PLPP4: variants seen among roughly 807,000 people sequenced by gnomAD.
PLPP4 encodes diacylglycerol pyrophosphate like 2.
Under a neutral mutation model 32.2 loss-of-function variants are expected in PLPP4, and 20 were observed. The observed-to-expected ratio is 0.62, with a 90% CI of 0.44 to 0.90. The LOEUF is 0.90. Among genes scored for constraint, PLPP4 ranks in the 40% least tolerant of loss-of-function variants. The pLI, the probability that PLPP4 is intolerant of heterozygous loss-of-function variation, is 0.00. For synonymous variants in PLPP4, 127 were observed against 133.0 expected (o/e 0.95, Z 0.31); for missense variants, 257 against 353.1 (o/e 0.73, Z 2.18).
chr10:120,492,263 T>C (rs978269976), intron 1 of PLPP4, among the ~76,000 whole-genome samples: 1 of 152,204 alleles, frequency 6.6e-6, no homozygotes, highest in Non-Finnish European at 1.5e-5. Flanking sequence ...CAGTCTTCTG[T>C]TGTTTACTCC....
In PLPP4 at chr10:120,545,290, A is replaced by C. The variant is rs964195347; in HGVS notation, c.445+24195A>C. ...TCTTTATTTACGAAAGCAATTTAAT[A>C]GGATAAGAATGATTTTTGTTTTTTT... On this transcript the variant is annotated intron_variant, in intron 5 of 6. Coordinates refer to ENST00000398250, the MANE Select transcript of PLPP4 (RefSeq NM_001030059.3). Among the ~76,000 whole-genome samples, 7 of 152,240 alleles carry C rather than the reference A, an allele frequency of 4.6e-5. No individual in the cohort carries two copies. In the South Asian group the frequency reaches 6.2e-4, roughly 13 times the overall value.
intron 5 of PLPP4, among the ~76,000 whole-genome samples, chr10:120,536,206 G>C (rs1477011388): frequency 6.6e-6 from 1 of 151,946 alleles, no homozygotes; most frequent in Non-Finnish European, 1.5e-5. Context: ...CCTAAGTTTT[G>C]CATGAAAAGA....
chr10:120,464,133 G>C (rs1024836773), intron 1 of PLPP4, among the ~76,000 whole-genome samples: 53 of 152,186 alleles, frequency 3.5e-4, no homozygotes, highest in African/African-American at 1.3e-3. Context: ...TACCTGCTGT[G>C]TGAGTTTTGG....
Position 120,591,422 on chromosome 10 carries a change from A to G in PLPP4, c.*1920A>G, listed in dbSNP as rs1258212997. Among the ~76,000 whole-genome samples, 1 of 152,232 alleles carries G rather than the reference A, an allele frequency of 6.6e-6. No homozygotes were observed. Among genetic ancestry groups the G allele is most frequent in the African/African-American group, 2.4e-5 (1 of 41,456 alleles). On this transcript the variant is annotated 3_prime_UTR_variant, in exon 7 of 7. Coordinates refer to ENST00000398250, the MANE Select transcript of PLPP4 (RefSeq NM_001030059.3). ...AAAAATTATAGCAGTTACATTGGCA[A>G]GCAACTTTGAAGATGAATGTGAGAT...
chr10:120,485,119 G>A (rs1169014647), intron 1 of PLPP4, among the ~76,000 whole-genome samples: 1 of 152,234 alleles, frequency 6.6e-6, no homozygotes, highest in Admixed American at 6.5e-5. Context: ...AGCCCAGGGA[G>A]ATCTGCATCA....
intron 5 of PLPP4, among the ~76,000 whole-genome samples, chr10:120,563,806 CAAAAAAAAAAAAAAAA>C (rs139746974): frequency 3.5e-5 from 3 of 86,484 alleles, no homozygotes; most frequent in Non-Finnish European, 6.2e-5. Flanking sequence ...GACTCCGTCT[CAAAAAAAAAAAAAAAA>C]AAAAAAAAAA....
rs114373427 is a variant in PLPP4 at position 120,477,606 on chromosome 10, T to C, written c.56+20245T>C. Among the ~76,000 whole-genome samples the C allele has an allele frequency of 6.4e-4, 98 of 152,254 alleles. 1 individual carries two copies. Among genetic ancestry groups the C allele is most frequent in the African/African-American group, 2.3e-3 (96 of 41,552 alleles). On this transcript the variant is annotated intron_variant, in intron 1 of 6. Coordinates refer to ENST00000398250, the MANE Select transcript of PLPP4 (RefSeq NM_001030059.3). ...CCATATTGAACAGAGTCAGGTTCTATATAAGAATCAGTGTCAGAGAGAAAG... is the reference window on the plus strand; with the variant it reads ...CCATATTGAACAGAGTCAGGTTCTACATAAGAATCAGTGTCAGAGAGAAAG...
intron 2 of PLPP4, among the ~76,000 whole-genome samples, chr10:120,507,689 T>A (rs979330820): frequency 6.6e-6 from 1 of 152,012 alleles, no homozygotes; most frequent in Non-Finnish European, 1.5e-5. Context: ...GGCAGAGAAA[T>A]GGAGAGTGAG....
intron 5 of PLPP4, among the ~76,000 whole-genome samples, chr10:120,539,984 T>C (rs965785637): frequency 2.6e-4 from 38 of 144,146 alleles, no homozygotes; most frequent in African/African-American, 9.2e-4. Flanking sequence ...GATCCCAAGG[T>C]GATTAGTAAA....
intron 1 of PLPP4, among the ~76,000 whole-genome samples, chr10:120,488,587 C>T (rs1405684178): frequency 2.0e-5 from 3 of 152,206 alleles, no homozygotes; most frequent in Non-Finnish European, 1.5e-5. Flanking sequence ...GGGCAAGAGG[C>T]TCCTACAGTT....
At chr10:120,557,102 T>G (rs1198706246) in intron 5 of PLPP4, among the ~76,000 whole-genome samples, 1 of 152,214 alleles carries the variant, frequency 6.6e-6, no homozygotes, top group Non-Finnish European at 1.5e-5. Flanking sequence ...CTTAGCATTT[T>G]TCTGAGCCTG....
chr10:120,466,360 T>G (rs1255774596), intron 1 of PLPP4, among the ~76,000 whole-genome samples: 1 of 152,014 alleles, frequency 6.6e-6, no homozygotes, highest in Non-Finnish European at 1.5e-5. Context: ...TAGCCAAAAG[T>G]GATAAATATC....
intron 1 of PLPP4, among the ~76,000 whole-genome samples, chr10:120,482,950 T>A (rs182471854): frequency 6.6e-6 from 1 of 151,836 alleles, no homozygotes; most frequent in East Asian, 1.9e-4. Flanking sequence ...CCAAAGAAGA[T>A]TAGCATTTGA....
intron 5 of PLPP4, among the ~76,000 whole-genome samples, chr10:120,547,636 A>G (rs1246127275): frequency 6.6e-6 from 1 of 152,202 alleles, no homozygotes; most frequent in Non-Finnish European, 1.5e-5. Context: ...ATCCCTTTTT[A>G]TCATAGATTC....
chr10:120,527,498 T>C (rs1429388808), intron 5 of PLPP4, among the ~76,000 whole-genome samples: 1 of 152,220 alleles, frequency 6.6e-6, no homozygotes, highest in Non-Finnish European at 1.5e-5. Context: ...TCCTCACTGC[T>C]AAAAATACCT....
intron 3 of PLPP4, among the ~76,000 whole-genome samples, chr10:120,517,876 C>A (rs1035078946): frequency 6.6e-6 from 1 of 152,344 alleles, no homozygotes; most frequent in South Asian, 2.1e-4. Context: ...TGCCCCCATT[C>A]ACTGCTATAT....
intron 5 of PLPP4, among the ~76,000 whole-genome samples, chr10:120,565,315 GGTGTGTGTGTGTGTGT>G (rs58655566): frequency 2.5e-4 from 35 of 142,602 alleles, no homozygotes; most frequent in South Asian, 6.9e-4. Context: ...TTGTTTGTGT[GGTGTGTGTGTGTGTGT>G]GTGTGTGTGT....
At chr10:120,574,837 A>T (rs1589914472) in intron 5 of PLPP4, among the ~76,000 whole-genome samples, 8 of 152,316 alleles carry the variant, frequency 5.3e-5, no homozygotes, top group Admixed American at 5.2e-4. Context: ...TTTATTCCCC[A>T]CATCTAGTGC....
chr10:120,580,257 G>A (rs1849432516), intron 6 of PLPP4, among the ~76,000 whole-genome samples: 1 of 152,094 alleles, frequency 6.6e-6, no homozygotes, highest in Non-Finnish European at 1.5e-5. Context: ...GTAAAATCTA[G>A]GGGAGGAATA....
Sources: gnomAD v4.1 joint callset for allele counts (sites outside exome capture counted in the v4.1 genomes callset) on GRCh38, gnomAD v4.1.1 for gene constraint, MANE v1.5 for transcripts, NCBI Gene and HGNC (gene_info 2026-07-23, HGNC 2026-07-21) for gene names.